Variants in TMEFF2 observed in about 807,000 individuals in gnomAD.
TMEFF2 encodes tomoregulin-2.
In TMEFF2, 28 loss-of-function variants were observed where a neutral mutation model predicts 53.8. That is an observed-to-expected ratio of 0.52 (90% confidence interval 0.39 to 0.71). The LOEUF (loss-of-function observed/expected upper bound fraction) is 0.71, where lower values mean the gene tolerates loss of function less well. Among genes scored for constraint, TMEFF2 ranks in the 30% least tolerant of loss-of-function variants. The probability of loss-of-function intolerance (pLI) is 0.00; values close to 1 mark genes in which losing one functional copy is unlikely to be tolerated. For missense variants in TMEFF2, 353 were observed against 455.2 expected (o/e 0.78, Z 2.04); for synonymous variants, 162 against 166.3 (o/e 0.97, Z 0.20).
At chr2:192,185,500 T>C (rs909091966) in intron 2 of TMEFF2, among the ~76,000 whole-genome samples, 4 of 152,116 alleles carry the variant, frequency 2.6e-5, no homozygotes, top group Admixed American at 1.3e-4. Context: ...TGTTTTACTT[T>C]TGATTAATAT....
chr2:192,184,350 A>C lies in TMEFF2; in HGVS notation c.412+4T>G. 1 of 1,613,044 alleles carries C rather than the reference A, an allele frequency of 6.2e-7. No homozygotes were observed. The highest frequency in any genetic ancestry group is 8.5e-7 in the Non-Finnish European group (1 of 1,179,290). On this transcript the variant is annotated splice_donor_region_variant and intron_variant, in intron 3 of 9. Coordinates refer to ENST00000272771, the MANE Select transcript of TMEFF2 (RefSeq NM_016192.4). ...GAAGGTTTCAAAGAAGATCACACAC[A>C]TACCTGTGGCACATGATCCTTCTGA...
intron 5 of TMEFF2, among the ~76,000 whole-genome samples, chr2:191,999,437 C>G (rs1434609090): frequency 2.0e-5 from 3 of 151,652 alleles, no homozygotes; most frequent in Non-Finnish European, 2.9e-5. Flanking sequence ...AAAGGAAAAA[C>G]TCAAAAATGA....
chr2:192,063,638 C>T (rs1445838178), intron 4 of TMEFF2, among the ~76,000 whole-genome samples: 2 of 151,744 alleles, frequency 1.3e-5, no homozygotes, highest in African/African-American at 4.8e-5. Flanking sequence ...TTATCTATTA[C>T]TGAGAAAATA....
At chr2:191,992,608 T>A (rs1686133042) in intron 7 of TMEFF2, 2 of 152,068 alleles carry the variant, frequency 1.3e-5, no homozygotes. Flanking sequence ...TGAAGCAATG[T>A]GAGTGAATCT....
intron 4 of TMEFF2, among the ~76,000 whole-genome samples, chr2:192,086,058 T>A (rs1018569228): frequency 6.6e-6 from 1 of 152,160 alleles, no homozygotes; most frequent in Non-Finnish European, 1.5e-5. Context: ...ATCAAAGGCA[T>A]TATAGGAAAG....
intron 5 of TMEFF2, chr2:192,035,073 C>T (rs1687252183): frequency 6.6e-6 from 1 of 152,178 alleles, no homozygotes; most frequent in African/African-American, 2.4e-5. Flanking sequence ...TCCTTTCTTA[C>T]TGGGCACTGA....
At chr2:192,190,426 C>T (rs1210137735) in intron 2 of TMEFF2, among the ~76,000 whole-genome samples, 1 of 152,016 alleles carries the variant, frequency 6.6e-6, no homozygotes, top group Non-Finnish European at 1.5e-5. Context: ...TGCTTTTTTC[C>T]TGTTTAGTTA....
chr2:192,126,358 C>G (rs1272324278), intron 4 of TMEFF2, among the ~76,000 whole-genome samples: 1 of 152,142 alleles, frequency 6.6e-6, no homozygotes, highest in Non-Finnish European at 1.5e-5. Flanking sequence ...GCTAATACAT[C>G]TGCCAAGTCT....
At chr2:192,070,345 G>C (rs1369496235) in intron 4 of TMEFF2, among the ~76,000 whole-genome samples, 1 of 151,636 alleles carries the variant, frequency 6.6e-6, no homozygotes, top group Admixed American at 6.6e-5. Context: ...GTTTTGTAGG[G>C]CTTCACTGCT....
At chr2:192,181,093 T>C (rs924761678) in intron 3 of TMEFF2, among the ~76,000 whole-genome samples, 3 of 151,782 alleles carry the variant, frequency 2.0e-5, no homozygotes, top group Admixed American at 1.3e-4. Context: ...GACTGTTTAA[T>C]GATAATAGAC....
chr2:191,974,178 A>G (rs1692734631), intron 7 of TMEFF2, among the ~76,000 whole-genome samples: 1 of 152,178 alleles, frequency 6.6e-6, no homozygotes, highest in African/African-American at 2.4e-5. Context: ...GTAGAGTTAG[A>G]AGAAAAATGA....
chr2:191,977,399 C>T (rs148580003), intron 7 of TMEFF2, among the ~76,000 whole-genome samples: 5 of 152,312 alleles, frequency 3.3e-5, no homozygotes, highest in African/African-American at 4.8e-5. Context: ...AGCCTCTGAG[C>T]GTGTGTCATT....
chr2:192,075,341 A>ATAT (rs1486339381), intron 4 of TMEFF2, among the ~76,000 whole-genome samples: 2 of 138,240 alleles, frequency 1.4e-5, no homozygotes, highest in African/African-American at 2.8e-5. Context: ...ATACATACAT[A>ATAT]CTATGTATAT....
intron 4 of TMEFF2, among the ~76,000 whole-genome samples, chr2:192,142,254 A>G (rs1690155110): frequency 6.6e-6 from 1 of 152,000 alleles, no homozygotes; most frequent in South Asian, 2.1e-4. Context: ...GAAGCAAAGA[A>G]CTCAATCTGG....
At chr2:192,174,599 C>A (rs1471056182) in intron 4 of TMEFF2, among the ~76,000 whole-genome samples, 5 of 151,694 alleles carry the variant, frequency 3.3e-5, no homozygotes, top group African/African-American at 1.2e-4. Context: ...GATGGCTATA[C>A]GCTCATCTCC....
At chr2:192,176,020 G>A (rs1323630884) in intron 4 of TMEFF2, among the ~76,000 whole-genome samples, 2 of 151,378 alleles carry the variant, frequency 1.3e-5, no homozygotes, top group Non-Finnish European at 3.0e-5. Flanking sequence ...ATTTTGAGAG[G>A]AGGCACCTTT....
At chr2:191,980,178 G>A (rs137858611) in intron 7 of TMEFF2, among the ~76,000 whole-genome samples, 248 of 152,194 alleles carry the variant, frequency 1.6e-3, no homozygotes, top group African/African-American at 5.8e-3. Flanking sequence ...AAAATAAAAA[G>A]GTAAAAGCAT....
chr2:192,149,589 C>A (rs1213617658), intron 4 of TMEFF2, among the ~76,000 whole-genome samples: 3 of 151,814 alleles, frequency 2.0e-5, no homozygotes, highest in African/African-American at 7.3e-5. Flanking sequence ...AGAAAAGCTG[C>A]CTTAAATATG....
chr2:191,951,853 T>A (rs1691895237), intron 9 of TMEFF2, among the ~76,000 whole-genome samples: 1 of 151,992 alleles, frequency 6.6e-6, no homozygotes, highest in Non-Finnish European at 1.5e-5. Context: ...CAAAAGCCAA[T>A]AAATTGAGGA....
Sources: gnomAD v4.1 joint callset for allele counts (sites outside exome capture counted in the v4.1 genomes callset) on GRCh38, gnomAD v4.1.1 for gene constraint, MANE v1.5 for transcripts, NCBI Gene and HGNC (gene_info 2026-07-23, HGNC 2026-07-21) for gene names.